SLC8A3: variants seen among roughly 807,000 people sequenced by gnomAD.
The protein encoded by SLC8A3 is solute carrier family 8 member A3.
SLC8A3 carries 37 observed loss-of-function variants against 65.4 expected under a neutral mutation model. The ratio of observed to expected loss-of-function variants is 0.57; its 90% CI spans 0.44 to 0.74. SLC8A3 has a LOEUF of 0.74. SLC8A3 is among the 30% of genes least tolerant of loss of function. The probability of loss-of-function intolerance (pLI) is 0.00; values close to 1 mark genes in which losing one functional copy is unlikely to be tolerated. For synonymous variants in SLC8A3, 461 were observed against 444.5 expected (o/e 1.04, Z -0.47); for missense variants, 1,112 against 1,172.1 (o/e 0.95, Z 0.75).
chr14:70,148,904 C>A (rs1896099271), intron 2 of SLC8A3, among the ~76,000 whole-genome samples: 1 of 151,764 alleles, frequency 6.6e-6, no homozygotes, highest in African/African-American at 2.4e-5. Flanking sequence ...GTGTGTAGAG[C>A]CGGGAGGAGT....
rs75300196 is a variant in SLC8A3 at position 70,063,910 on chromosome 14, C to A, written c.1785-2971G>T. 2.2e-5 allele frequency: 36 copies of A among 1,600,518 alleles called. No individual in the cohort carries two copies. In the African/African-American group the frequency reaches 3.6e-4, roughly 16 times the overall value. ...TTCTCATATGCCTCATCATCAATTACCTTGATGTGAATTGTTTTGCTGTGG... is the reference window on the plus strand; with the variant it reads ...TTCTCATATGCCTCATCATCAATTAACTTGATGTGAATTGTTTTGCTGTGG... On this transcript the variant is annotated intron_variant, in intron 2 of 6. Coordinates refer to ENST00000356921, the MANE Select transcript of SLC8A3 (RefSeq NM_182932.3).
chr14:70,112,554 C>T (rs140912440), intron 2 of SLC8A3, among the ~76,000 whole-genome samples: 1 of 152,234 alleles, frequency 6.6e-6, no homozygotes, highest in African/African-American at 2.4e-5. Flanking sequence ...GGACTGTAGA[C>T]GAGCCAAGGT....
chr14:70,107,544 T>C (rs1892958051), intron 2 of SLC8A3, among the ~76,000 whole-genome samples: 1 of 152,128 alleles, frequency 6.6e-6, no homozygotes, highest in African/African-American at 2.4e-5. Context: ...AGCCAGCCTC[T>C]TGATTTGTAG....
chr14:70,165,680 G>GA (rs1254852848), intron 2 of SLC8A3, among the ~76,000 whole-genome samples: 1 of 152,128 alleles, frequency 6.6e-6, no homozygotes, highest in African/African-American at 2.4e-5. Context: ...TATCCAACTG[G>GA]AAAAAGGACA....
At chr14:70,098,293 T>G (rs1303762877) in intron 2 of SLC8A3, among the ~76,000 whole-genome samples, 2 of 64,094 alleles carry the variant, frequency 3.1e-5, no homozygotes, top group African/African-American at 1.2e-4. Flanking sequence ...TTCCTTCTTT[T>G]TCTCACTTTT....
intron 2 of SLC8A3, among the ~76,000 whole-genome samples, chr14:70,104,170 T>C (rs537768180): frequency 6.6e-6 from 1 of 152,166 alleles, no homozygotes; most frequent in African/African-American, 2.4e-5. Context: ...AATAGCCAAT[T>C]CCACAATCAT....
intron 2 of SLC8A3, among the ~76,000 whole-genome samples, chr14:70,099,645 A>G (rs1264225597): frequency 6.6e-6 from 1 of 152,242 alleles, no homozygotes; most frequent in Non-Finnish European, 1.5e-5. Context: ...AGCTTGAAGC[A>G]TGGCAGGAAA....
Position 70,166,662 on chromosome 14 carries a change from CA to C in SLC8A3, c.1760del (p.Leu587TrpfsTer9). 1 of 1,596,324 alleles carries C rather than the reference CA, an allele frequency of 6.3e-7. No individual in the cohort carries two copies. Among genetic ancestry groups the C allele is most frequent in the Non-Finnish European group, 8.5e-7 (1 of 1,170,608 alleles). ...GEDFEDTYGE[L>X]EFKNDETVKT... ...ACACAGTTTCATCATTCTTGAATTC[CA>C]ACTCCCCATATGTGTCTTCAAAGTC... is the stretch of plus-strand genomic sequence containing the variant. On this transcript the variant is annotated frameshift_variant, in exon 2 of 7. Transcript: ENST00000356921. LOFTEE classifies it high-confidence loss of function.
At chr14:70,174,650 C>G (rs1057278571) in intron 1 of SLC8A3, among the ~76,000 whole-genome samples, 1 of 105,428 alleles carries the variant, frequency 9.5e-6, no homozygotes, top group Non-Finnish European at 1.8e-5. Context: ...GGACCAAATC[C>G]GTTTTTTTTT....
chr14:70,083,524 C>G (rs1313005289), intron 2 of SLC8A3, among the ~76,000 whole-genome samples: 1 of 152,192 alleles, frequency 6.6e-6, no homozygotes, highest in Non-Finnish European at 1.5e-5. Context: ...AACTCTAGCC[C>G]TGGTCAGCAG....
At chr14:70,184,723 T>C (rs1015174031) in intron 1 of SLC8A3, among the ~76,000 whole-genome samples, 16 of 152,230 alleles carry the variant, frequency 1.1e-4, no homozygotes, top group Admixed American at 2.6e-4. Context: ...TGGTTATCCT[T>C]GCTGGAATGT....
chr14:70,098,814 G>A (rs1464051926), intron 2 of SLC8A3, among the ~76,000 whole-genome samples: 5 of 152,178 alleles, frequency 3.3e-5, no homozygotes, highest in Non-Finnish European at 5.9e-5. Flanking sequence ...AAAAGGTGCC[G>A]ACTCTGGAGT....
intron 1 of SLC8A3, among the ~76,000 whole-genome samples, chr14:70,186,111 C>A (rs1489143437): frequency 6.6e-6 from 1 of 152,108 alleles, no homozygotes; most frequent in African/African-American, 2.4e-5. Flanking sequence ...GGGCAGTAAC[C>A]CCCATGCTGC....
At chr14:70,063,078 G>A (rs990040348) in intron 2 of SLC8A3, among the ~76,000 whole-genome samples, 1 of 152,208 alleles carries the variant, frequency 6.6e-6, no homozygotes, top group Non-Finnish European at 1.5e-5. Flanking sequence ...AAGCCCCATG[G>A]ACCTCTTGGG....
chr14:70,070,483 G>A (rs1279128949), intron 2 of SLC8A3, among the ~76,000 whole-genome samples: 1 of 152,182 alleles, frequency 6.6e-6, no homozygotes, highest in Admixed American at 6.5e-5. Flanking sequence ...AATTCAAACA[G>A]TGTGGCTCTA....
At chr14:70,120,366 A>G (rs1893972021) in intron 2 of SLC8A3, among the ~76,000 whole-genome samples, 1 of 152,180 alleles carries the variant, frequency 6.6e-6, no homozygotes, top group Non-Finnish European at 1.5e-5. Flanking sequence ...ACAACTTCTG[A>G]GTTTGAAGGT....
At chr14:70,160,344 C>T (rs978952420) in intron 2 of SLC8A3, among the ~76,000 whole-genome samples, 5 of 152,064 alleles carry the variant, frequency 3.3e-5, no homozygotes. Context: ...ACTTAGGAGG[C>T]TGAGGCAGGA....
At chr14:70,174,659 TTTG>T (rs1169846790) in intron 1 of SLC8A3, among the ~76,000 whole-genome samples, 894 of 47,868 alleles carry the variant, frequency 0.019, 46 homozygotes, top group African/African-American at 0.063. Flanking sequence ...CCGTTTTTTT[TTTG>T]TTTTTTTTTT....
chr14:70,072,582 T>A (rs1890105881), intron 2 of SLC8A3, among the ~76,000 whole-genome samples: 1 of 128,744 alleles, frequency 7.8e-6, no homozygotes, highest in South Asian at 2.5e-4. Flanking sequence ...CTCTCTGTAA[T>A]GTCTATCTAT....
Sources: gnomAD v4.1 joint callset for allele counts (sites outside exome capture counted in the v4.1 genomes callset) on GRCh38, gnomAD v4.1.1 for gene constraint, MANE v1.5 for transcripts, NCBI Gene and HGNC (gene_info 2026-07-23, HGNC 2026-07-21) for gene names.